The following C10orf90 variants were observed in gnomAD, a reference collection of about 807,000 sequenced individuals.
C10orf90 encodes the protein chromosome 10 open reading frame 90, also known as (E2-independent) E3 ubiquitin-conjugating enzyme FATS.
In C10orf90, 56 loss-of-function variants were observed where a neutral mutation model predicts 62.5. That is an observed-to-expected ratio of 0.90 (90% confidence interval 0.72 to 1.12). C10orf90 has a LOEUF of 1.12. C10orf90 is among the 50% of genes most tolerant of loss of function. C10orf90 has a pLI of 0.00. For synonymous variants in C10orf90, 386 were observed against 340.4 expected (o/e 1.13, Z -1.47); for missense variants, 970 against 880.4 (o/e 1.10, Z -1.29).
intron 7 of C10orf90, among the ~76,000 whole-genome samples, chr10:126,455,816 C>T (rs888878909): frequency 6.6e-6 from 1 of 152,192 alleles, no homozygotes; most frequent in Non-Finnish European, 1.5e-5. Flanking sequence ...CACCCACATG[C>T]AGCACTCTTC....
intron 3 of C10orf90, among the ~76,000 whole-genome samples, chr10:126,512,673 C>T (rs1488474948): frequency 2.0e-5 from 3 of 152,142 alleles, no homozygotes; most frequent in Non-Finnish European, 4.4e-5. Context: ...CACCCAAGGA[C>T]AGCTCTCAGT....
At chr10:126,542,490 G>C (rs756139633) in intron 2 of C10orf90, among the ~76,000 whole-genome samples, 7 of 152,156 alleles carry the variant, frequency 4.6e-5, no homozygotes, top group Admixed American at 1.3e-4. Flanking sequence ...GCGACAGAGC[G>C]AGACTCTGTC....
At chr10:126,490,014 TATATATA>T (rs71687088) in intron 4 of C10orf90, among the ~76,000 whole-genome samples, 19,664 of 91,338 alleles carry the variant, frequency 0.22, 2,497 homozygotes, top group South Asian at 0.46. Context: ...TTATATATAT[TATATATA>T]ATATATAATA....
chr10:126,464,571 A>C lies in C10orf90; in HGVS notation c.1825+125T>G. The C allele has an allele frequency of 2.8e-6, 3 of 1,085,576 alleles. No individual in the cohort carries two copies. The South Asian group carries it at 4.6e-5, about 17-fold the overall frequency. The allele number at this position is 1,085,576 out of a possible 1,614,324, so 67.2% of individuals were successfully genotyped here. On this transcript the variant is annotated intron_variant, in intron 5 of 9. Transcript: ENST00000488181. ...CCATTTGTCCCCTCTCTGCTCTCCC[A>C]GTTGGAGAAGGGGAGGTTTCATCAG...
intron 2 of C10orf90, among the ~76,000 whole-genome samples, chr10:126,633,457 G>T (rs1391670470): frequency 6.6e-6 from 1 of 152,252 alleles, no homozygotes; most frequent in Non-Finnish European, 1.5e-5. Flanking sequence ...GGACAAAGCT[G>T]GCCATTGCAG....
chr10:126,476,132 G>A (rs932908784), intron 4 of C10orf90, among the ~76,000 whole-genome samples: 2 of 152,178 alleles, frequency 1.3e-5, no homozygotes, highest in African/African-American at 4.8e-5. Context: ...AGGATTCCAT[G>A]TCAGGAAAGG....
chr10:126,436,479 T>C (rs1564790397), intron 7 of C10orf90, among the ~76,000 whole-genome samples: 1 of 152,272 alleles, frequency 6.6e-6, no homozygotes, highest in South Asian at 2.1e-4. Flanking sequence ...ACTTTTATGA[T>C]GTATATATGA....
rs765768030 is a variant in C10orf90, at chr10:126,505,028, T to C, written c.463A>G (p.Ile155Val). 6.8e-6 allele frequency: 11 copies of C among 1,614,098 alleles called. No homozygotes were observed. In the Admixed American group the frequency reaches 1.5e-4, roughly 22 times the overall value. Residue 155 changes from isoleucine (I) to valine (V), a missense_variant, in exon 4 of 10, where the codon ATT (isoleucine) becomes GTT (valine). Transcript: ENST00000488181. ...TTTTCTCTTGACTTATTCTCATCAA[T>C]CATCTGGGAGATGACTATGGATGAA... ...MISSIVISQM[I>V]DENKSRENRA...
At chr10:126,487,358 C>T (rs1861497587) in intron 4 of C10orf90, among the ~76,000 whole-genome samples, 1 of 151,900 alleles carries the variant, frequency 6.6e-6, no homozygotes, top group South Asian at 2.1e-4. Context: ...ACTTTAAATA[C>T]ATTGTAATGA....
At chr10:126,649,526 A>G (rs7069588) in intron 1 of C10orf90, among the ~76,000 whole-genome samples, 14,451 of 151,922 alleles carry the variant, frequency 0.095, 718 homozygotes, top group South Asian at 0.15. Flanking sequence ...TGCATAACAC[A>G]TCTTCCTGGT....
At chr10:126,613,962 A>T (rs1845490777) in intron 2 of C10orf90, among the ~76,000 whole-genome samples, 1 of 152,210 alleles carries the variant, frequency 6.6e-6, no homozygotes, top group Non-Finnish European at 1.5e-5. Context: ...GGAGTCCAGA[A>T]AACTGAGGCT....
intron 2 of C10orf90, among the ~76,000 whole-genome samples, chr10:126,572,271 T>C (rs1366613322): frequency 6.6e-6 from 1 of 152,134 alleles, no homozygotes; most frequent in Non-Finnish European, 1.5e-5. Flanking sequence ...GCTACACTCC[T>C]GTTACAGGAA....
intron 2 of C10orf90, among the ~76,000 whole-genome samples, chr10:126,607,638 T>C (rs1309424913): frequency 1.3e-5 from 2 of 152,202 alleles, no homozygotes; most frequent in East Asian, 3.8e-4. Context: ...ATGAATTCTT[T>C]TCATATTGTA....
chr10:126,451,688 G>C (rs1279467475), intron 7 of C10orf90, among the ~76,000 whole-genome samples: 10 of 145,990 alleles, frequency 6.8e-5, no homozygotes, highest in Admixed American at 6.4e-4. Flanking sequence ...ATTTCTCATA[G>C]TCTATTGATA....
At chr10:126,479,651 G>A (rs1554895105) in intron 4 of C10orf90, among the ~76,000 whole-genome samples, 1 of 152,218 alleles carries the variant, frequency 6.6e-6, no homozygotes, top group Non-Finnish European at 1.5e-5. Context: ...TTATACACAT[G>A]GGGGTTATTC....
At chr10:126,507,066 G>T (rs991040554) in intron 3 of C10orf90, among the ~76,000 whole-genome samples, 2 of 152,028 alleles carry the variant, frequency 1.3e-5, no homozygotes, top group Non-Finnish European at 2.9e-5. Context: ...TTTAAAAAAA[G>T]GATACATGGG....
intron 2 of C10orf90, among the ~76,000 whole-genome samples, chr10:126,634,791 AC>A (rs1205666328): frequency 6.6e-6 from 1 of 152,192 alleles, no homozygotes; most frequent in African/African-American, 2.4e-5. Flanking sequence ...CACAGCATGA[AC>A]CGTGGAAGAG....
At chr10:126,426,149 G>A in intron 8 of C10orf90, 59 bp from the exon 9 acceptor site, 1 of 1,340,826 alleles carries the variant, frequency 7.5e-7, no homozygotes, top group Non-Finnish European at 1.1e-6. Flanking sequence ...CCCGCTGTGG[G>A]GCTGCATCCT....
At chr10:126,566,210 A>C (rs1327439996) in intron 2 of C10orf90, among the ~76,000 whole-genome samples, 1 of 152,212 alleles carries the variant, frequency 6.6e-6, no homozygotes, top group Non-Finnish European at 1.5e-5. Context: ...TGATACTTAC[A>C]GATGGGGTTA....
Sources: allele counts gnomAD v4.1 joint callset (sites outside exome capture counted in the v4.1 genomes callset), GRCh38; gene constraint gnomAD v4.1.1; transcripts MANE v1.5; gene names NCBI Gene and HGNC (gene_info 2026-07-23, HGNC 2026-07-21).